Variants in SIMC1 observed in about 807,000 individuals in gnomAD.
SIMC1 encodes the protein SUMO-interacting motif-containing protein 1.
Under a neutral mutation model 82.3 loss-of-function variants are expected in SIMC1, and 55 were observed. The ratio of observed to expected loss-of-function variants is 0.67; its 90% CI spans 0.54 to 0.84. SIMC1 has a LOEUF of 0.84. SIMC1 is among the 40% of genes least tolerant of loss of function. The probability of loss-of-function intolerance (pLI) is 0.00; values close to 1 mark genes in which losing one functional copy is unlikely to be tolerated. For synonymous variants in SIMC1, 353 were observed against 426.3 expected, an observed-to-expected ratio of 0.83 and a Z score of 2.12; for missense variants, 915 against 1,107.2, an observed-to-expected ratio of 0.83 and a Z score of 2.46.
intron 9 of SIMC1, 107 bp downstream of exon 9, chr5:176,337,253 G>A (rs545834881): frequency 3.2e-6 from 3 of 950,660 alleles, no homozygotes; most frequent in African/African-American, 1.6e-5. Context: ...TTCCTTGGTT[G>A]TATGTAACTT....
intron 1 of SIMC1, among the ~76,000 whole-genome samples, chr5:176,252,326 G>T (rs1367044381): frequency 1.3e-5 from 2 of 151,568 alleles, no homozygotes; most frequent in South Asian, 4.2e-4. Flanking sequence ...GGGCAGAGAC[G>T]CTCCTCACTT....
At chr5:176,286,632 C>A (rs1160155369) in intron 1 of SIMC1, among the ~76,000 whole-genome samples, 1 of 152,230 alleles carries the variant, frequency 6.6e-6, no homozygotes, top group Admixed American at 6.5e-5. Context: ...CCAAAATTGA[C>A]AAACGGGATC....
intron 1 of SIMC1, among the ~76,000 whole-genome samples, chr5:176,282,862 A>T (rs531119374): frequency 6.6e-6 from 1 of 152,346 alleles, no homozygotes; most frequent in South Asian, 2.1e-4. Context: ...ATGACACGAG[A>T]ACTACGTGAT....
chr5:176,295,143 A>G lies in SIMC1; in HGVS notation c.1545A>G (p.Ser515=). Residue 515 remains serine (S), a synonymous_variant, in exon 3 of 10, where the codon TCA becomes TCG. Transcript: ENST00000429602. ...TGCAGTTTTTGATGGACTTTGTGTC[A>G]CCCCAGCATTACCCACCAAGAGAAA... ...GTVQFLMDFV[S]PQHYPPREIV... 6.2e-7 allele frequency: 1 copy of G among 1,613,518 alleles called. No homozygotes were observed. Among genetic ancestry groups the G allele is most frequent in the Non-Finnish European group, 8.5e-7 (1 of 1,179,650 alleles).
At chr5:176,268,728 G>C (rs559637322) in intron 1 of SIMC1, among the ~76,000 whole-genome samples, 4 of 152,296 alleles carry the variant, frequency 2.6e-5, no homozygotes, top group Non-Finnish European at 4.4e-5. Context: ...AACCGTAGTT[G>C]GACACTTTTC....
rs1763519219 is a variant in SIMC1, at chr5:176,290,702, C to T, written c.1178C>T (p.Pro393Leu). The T allele has an allele frequency of 1.2e-6, 2 of 1,613,980 alleles. No homozygotes were observed. Among genetic ancestry groups the T allele is most frequent in the Non-Finnish European group, 1.7e-6 (2 of 1,179,894 alleles). Residue 393 changes from proline to leucine, a missense_variant, in exon 2 of 10, where the codon CCA (proline) becomes CTA (leucine). Around this residue, in one of 2 missense-constraint regions of SIMC1, gnomAD observed 902 missense variants for 1,040.3 expected, o/e 0.87. Transcript: ENST00000429602. Reference protein sequence around the residue: ...MPMDISALSSPSCSPSPQSET... With the variant: ...MPMDISALSSLSCSPSPQSET... ...ATGGATATCTCAGCTCTGTCCTCTC[C>T]AAGCTGCTCTCCCAGCCCACAGTCT... is the stretch of plus-strand genomic sequence containing the variant.
At chr5:176,281,831 T>G (rs1460155683) in intron 1 of SIMC1, among the ~76,000 whole-genome samples, 1 of 152,124 alleles carries the variant, frequency 6.6e-6, no homozygotes, top group Non-Finnish European at 1.5e-5. Flanking sequence ...GGTGTCAGTC[T>G]CCCCCTACTT....
At chr5:176,323,832 C>CA (rs1471130737) in intron 6 of SIMC1, among the ~76,000 whole-genome samples, 1 of 151,476 alleles carries the variant, frequency 6.6e-6, no homozygotes, top group East Asian at 1.9e-4. Flanking sequence ...TAAAAAAATA[C>CA]AAAAAAATAG....
chr5:176,242,387 G>A lies in SIMC1; in HGVS notation c.129+3750G>A, dbSNP rs570185832. On this transcript the variant is annotated intron_variant, in intron 1 of 9. Transcript: ENST00000429602. Reference sequence around the variant, plus strand: ...GTAAGTGATTGTGTGCATAAATTTTGATAAAGTTTAACTTTGTATAATAGA... The same window carrying A: ...GTAAGTGATTGTGTGCATAAATTTTAATAAAGTTTAACTTTGTATAATAGA... 2.8e-4 allele frequency among the ~76,000 whole-genome samples: 43 copies of A among 151,902 alleles called. No homozygotes were observed. The East Asian group carries it at 7.5e-3, about 27-fold the overall frequency.
At chr5:176,312,220 A>G (rs1470977380) in intron 4 of SIMC1, among the ~76,000 whole-genome samples, 1 of 152,186 alleles carries the variant, frequency 6.6e-6, no homozygotes, top group Non-Finnish European at 1.5e-5. Flanking sequence ...TGGAGTCAGT[A>G]GAAGACTTTC....
chr5:176,339,763 T>G (rs916236457), intron 9 of SIMC1, among the ~76,000 whole-genome samples: 2 of 152,218 alleles, frequency 1.3e-5, no homozygotes, highest in African/African-American at 4.8e-5. Flanking sequence ...CAGTGCTGTT[T>G]TATCCTTAAA....
Position 176,322,208 on chromosome 5 carries a change from C to A in SIMC1, c.1890-65C>A, listed in dbSNP as rs1312563536. The A allele has an allele frequency of 4.7e-6, 7 of 1,487,622 alleles. No individual in the cohort carries two copies. In the East Asian group the frequency reaches 1.2e-4, roughly 26 times the overall value. 92.2% of individuals were successfully genotyped at this position (1,487,622 alleles called of 1,614,324 possible). A position where few individuals can be genotyped will look rare whatever the true frequency, so the allele number is the denominator to read the frequency against. On this transcript the variant is annotated intron_variant, in intron 5 of 9. Coordinates refer to ENST00000429602, the MANE Select transcript of SIMC1 (RefSeq NM_001308195.2). Reference sequence around the variant, plus strand: ...CAACAGACATGGAAACCTTTTCTTTCTTTATTTTTTTTTTCTGCACAGAAA... The same window carrying A: ...CAACAGACATGGAAACCTTTTCTTTATTTATTTTTTTTTTCTGCACAGAAA...
chr5:176,310,048 A>G (rs1452311175), intron 4 of SIMC1, among the ~76,000 whole-genome samples: 1 of 152,268 alleles, frequency 6.6e-6, no homozygotes, highest in East Asian at 1.9e-4. Flanking sequence ...AAGTAAGCAT[A>G]TGAAAAGCTG....
chr5:176,252,518 G>A (rs147799864), intron 1 of SIMC1, among the ~76,000 whole-genome samples: 87,107 of 149,036 alleles, frequency 0.58, 25,539 homozygotes, highest in Middle Eastern at 0.64. Context: ...CGGGGCAGAG[G>A]CGCTTCCCAC....
chr5:176,338,848 G>A (rs1032615754), intron 9 of SIMC1, among the ~76,000 whole-genome samples: 7 of 151,774 alleles, frequency 4.6e-5, no homozygotes, highest in African/African-American at 9.7e-5. Flanking sequence ...GTTTAAATCC[G>A]AACTTCACCA....
intron 1 of SIMC1, among the ~76,000 whole-genome samples, chr5:176,287,883 C>A (rs945956045): frequency 3.3e-5 from 5 of 151,906 alleles, no homozygotes; most frequent in Non-Finnish European, 7.4e-5. Flanking sequence ...TCATTAAATT[C>A]TTGAGGATAG....
intron 4 of SIMC1, among the ~76,000 whole-genome samples, chr5:176,304,592 C>T (rs1223770249): frequency 2.7e-5 from 4 of 148,632 alleles, no homozygotes; most frequent in Admixed American, 2.0e-4. Flanking sequence ...AGATTGCAGC[C>T]TCTGCCCGGC....
At chr5:176,295,651 C>T (rs1476567361) in intron 3 of SIMC1, among the ~76,000 whole-genome samples, 7 of 146,390 alleles carry the variant, frequency 4.8e-5, no homozygotes, top group Non-Finnish European at 8.9e-5. Context: ...ATGTGGTAGC[C>T]TCTCAGCCTC....
intron 1 of SIMC1, among the ~76,000 whole-genome samples, chr5:176,273,421 C>T (rs1762535108): frequency 6.6e-6 from 1 of 152,098 alleles, no homozygotes; most frequent in Non-Finnish European, 1.5e-5. Context: ...CACACCAAAA[C>T]CCCATCTGTA....
Sources: gnomAD v4.1 joint callset for allele counts (sites outside exome capture counted in the v4.1 genomes callset) on GRCh38, gnomAD v4.1.1 for gene constraint, gnomAD v4.1.1 regional missense constraint, MANE v1.5 for transcripts, NCBI Gene and HGNC (gene_info 2026-07-23, HGNC 2026-07-21) for gene names.